Variants in GARNL3 observed in about 807,000 individuals in gnomAD.
GARNL3 encodes GTPase-activating Rap/Ran-GAP domain-like protein 3.
GARNL3 carries 63 observed loss-of-function variants against 125.0 expected under a neutral mutation model. That is an observed-to-expected ratio of 0.50 (90% CI 0.41 to 0.62). The LOEUF (loss-of-function observed/expected upper bound fraction) is 0.62, where lower values mean the gene tolerates loss of function less well. Among genes scored for constraint, GARNL3 ranks in the 20% least tolerant of loss-of-function variants. The probability of loss-of-function intolerance (pLI) is 0.00; values close to 1 mark genes in which losing one functional copy is unlikely to be tolerated. For synonymous variants in GARNL3, 439 were observed against 457.5 expected, an observed-to-expected ratio of 0.96 and a Z score of 0.52; for missense variants, 994 against 1,244.0, an observed-to-expected ratio of 0.80 and a Z score of 3.02.
chr9:127,290,198 C>A (rs1030923221), intron 1 of GARNL3, among the ~76,000 whole-genome samples: 1 of 152,192 alleles, frequency 6.6e-6, no homozygotes, highest in African/African-American at 2.4e-5. Context: ...ATACCAGATA[C>A]TGTTTCTATA....
intron 19 of GARNL3, 28 bp from the exon 20 acceptor site, chr9:127,355,269 G>A: frequency 6.2e-7 from 1 of 1,607,528 alleles, no homozygotes; most frequent in Non-Finnish European, 8.5e-7. Flanking sequence ...CATGTCATGT[G>A]TAAGGCATCA....
intron 13 of GARNL3, among the ~76,000 whole-genome samples, chr9:127,341,817 G>C (rs980540684): frequency 1.3e-5 from 2 of 152,210 alleles, no homozygotes; most frequent in African/African-American, 4.8e-5. Context: ...AGATTTGAAA[G>C]TAGAAACAGC....
At position 127,384,972 on chromosome 9, in the gene GARNL3, C is replaced by A; in HGVS notation, c.2270-55C>A. 9.8e-7 allele frequency: 1 copy of A among 1,022,918 alleles called. No homozygotes were observed. The highest frequency in any genetic ancestry group is 1.5e-6 in the Non-Finnish European group (1 of 664,906). 63.4% of individuals were successfully genotyped at this position (1,022,918 alleles called of 1,614,324 possible). On this transcript the variant is annotated intron_variant, in intron 23 of 27. Coordinates refer to ENST00000373387, the MANE Select transcript of GARNL3 (RefSeq NM_032293.5). This position sits in a 1 kb window ranked among gnomAD's most constrained non-coding sequence, Gnocchi z 4.0. ...AGTGTGACTATGACACAGTCACAGC[C>A]CCTTCGCGGCCACCAAGCCAGCAGC...
intron 1 of GARNL3, among the ~76,000 whole-genome samples, chr9:127,234,789 C>T (rs2063080902): frequency 6.6e-6 from 1 of 152,170 alleles, no homozygotes; most frequent in African/African-American, 2.4e-5. Context: ...TTTGTGTCCT[C>T]ATGTGGTAGA....
intron 1 of GARNL3, among the ~76,000 whole-genome samples, chr9:127,233,894 T>C (rs888814235): frequency 6.6e-6 from 1 of 152,240 alleles, no homozygotes; most frequent in African/African-American, 2.4e-5. Flanking sequence ...TCTTAGAGTT[T>C]GTTTTTCTTG....
intron 2 of GARNL3, among the ~76,000 whole-genome samples, chr9:127,298,245 C>A (rs1241558837): frequency 6.6e-6 from 1 of 152,192 alleles, no homozygotes; most frequent in African/African-American, 2.4e-5. Context: ...ATGGCGTAAT[C>A]TCAGCTCATT....
At chr9:127,374,012 A>T (rs968370856) in intron 22 of GARNL3, among the ~76,000 whole-genome samples, 7 of 152,068 alleles carry the variant, frequency 4.6e-5, no homozygotes, top group African/African-American at 1.7e-4. Flanking sequence ...TCTCAAAAAA[A>T]AAAAGGAGGC....
chr9:127,243,165 A>G (rs778477209), exon 2 of GARNL3: 5 of 1,366,392 alleles, frequency 3.7e-6, no homozygotes, highest in Non-Finnish European at 4.9e-6. Flanking sequence ...ATTCTATGGA[A>G]AGCAAAGTCG....
chr9:127,259,040 C>A (rs186253000), upstream of GARNL3, among the ~76,000 whole-genome samples: 1 of 152,334 alleles, frequency 6.6e-6, no homozygotes, highest in East Asian at 1.9e-4. Context: ...TGAGTCCTGG[C>A]CTTGTGGGGT....
intron 13 of GARNL3, among the ~76,000 whole-genome samples, chr9:127,341,334 A>G (rs546464454): frequency 4.1e-4 from 63 of 152,334 alleles, no homozygotes; most frequent in African/African-American, 1.5e-3. Context: ...GGCTGAGTGG[A>G]GGACAGTCAG....
At chr9:127,383,391 T>A in intron 22 of GARNL3, 47 bp from the exon 23 acceptor site, 1 of 1,173,704 alleles carries the variant, frequency 8.5e-7, no homozygotes, top group Non-Finnish European at 1.3e-6. Context: ...TACAGTCATC[T>A]AAGTGTTGTC....
chr9:127,346,562 A>G (rs1318984091), intron 16 of GARNL3, among the ~76,000 whole-genome samples: 1 of 152,198 alleles, frequency 6.6e-6, no homozygotes, highest in Non-Finnish European at 1.5e-5. Context: ...GATTCCAGTA[A>G]GATTTAATAA....
chr9:127,333,628 G>A (rs896823086), intron 9 of GARNL3, among the ~76,000 whole-genome samples: 15 of 152,050 alleles, frequency 9.9e-5, no homozygotes, highest in East Asian at 1.9e-4. Context: ...GGGGCGAGTC[G>A]GAATAATTGG....
chr9:127,378,599 A>C (rs976715331), intron 22 of GARNL3, among the ~76,000 whole-genome samples: 3 of 152,086 alleles, frequency 2.0e-5, no homozygotes, highest in African/African-American at 7.2e-5. Flanking sequence ...AAAAAAAAAA[A>C]AAAAAACAGA....
At chr9:127,346,869 G>T (rs1432634325) in intron 16 of GARNL3, among the ~76,000 whole-genome samples, 3 of 152,152 alleles carry the variant, frequency 2.0e-5, no homozygotes, top group African/African-American at 7.2e-5. Flanking sequence ...TGTTCTTAGA[G>T]AGTGCCCAGG....
At chr9:127,372,810 C>T (rs1171188586) in intron 22 of GARNL3, among the ~76,000 whole-genome samples, 1 of 152,182 alleles carries the variant, frequency 6.6e-6, no homozygotes, top group Non-Finnish European at 1.5e-5. Flanking sequence ...GTACCAGTTG[C>T]AGAAAACCCT....
At chr9:127,330,948 C>G (rs114582943) in intron 7 of GARNL3, among the ~76,000 whole-genome samples, 2 of 152,144 alleles carry the variant, frequency 1.3e-5, no homozygotes, top group South Asian at 2.1e-4. Flanking sequence ...TTTTAATACT[C>G]TCAGATCCAG....
chr9:127,286,877 C>A (rs979868490), intron 1 of GARNL3, among the ~76,000 whole-genome samples: 17 of 152,108 alleles, frequency 1.1e-4, no homozygotes, highest in African/African-American at 4.1e-4. Flanking sequence ...CGTCACAGTG[C>A]GGTAAAAAAC....
At chr9:127,308,867 T>C (rs539363280) in intron 2 of GARNL3, among the ~76,000 whole-genome samples, 1 of 152,258 alleles carries the variant, frequency 6.6e-6, no homozygotes, top group Non-Finnish European at 1.5e-5. Flanking sequence ...AGAAAAAATA[T>C]TGTATATGTG....
Sources: allele counts gnomAD v4.1 joint callset (sites outside exome capture counted in the v4.1 genomes callset), GRCh38; gene constraint gnomAD v4.1.1; non-coding constraint Gnocchi (gnomAD v3.1); transcripts MANE v1.5; gene names NCBI Gene and HGNC (gene_info 2026-07-23, HGNC 2026-07-21).